Variants in PIK3CA observed in about 807,000 individuals in gnomAD.
PIK3CA encodes phosphatidylinositol 4,5-bisphosphate 3-kinase catalytic subunit alpha isoform.
PIK3CA carries 27 observed loss-of-function variants against 138.2 expected under a neutral mutation model. The ratio of observed to expected loss-of-function variants is 0.20; its 90% CI spans 0.14 to 0.27. The LOEUF (loss-of-function observed/expected upper bound fraction) is 0.27, where lower values mean the gene tolerates loss of function less well. PIK3CA is among the 10% of genes least tolerant of loss of function. PIK3CA has a pLI of 1.00. For synonymous variants in PIK3CA, 358 were observed against 413.2 expected (o/e 0.87, Z 1.62); for missense variants, 544 against 1,277.4 (o/e 0.43, Z 8.75).
chr3:179,220,372 CCAAA>C lies in PIK3CA; in HGVS notation c.2015+325_2015+328del, dbSNP rs1327024265. ...ACTGTGTGTATGGATTACAATATCC[CCAAA>C]CAAAGAAAAAAATGTTTTACCTTGA... On this transcript the variant is annotated intron_variant, in intron 13 of 20. Transcript: ENST00000263967. The surrounding 1 kb of genome is among the most constrained non-coding windows in gnomAD (Gnocchi z 4.1). Among the ~76,000 whole-genome samples the C allele has an allele frequency of 3.3e-5, 5 of 152,028 alleles. No individual in the cohort carries two copies. Among genetic ancestry groups the C allele is most frequent in the African/African-American group, 1.2e-4 (5 of 41,484 alleles).
chr3:179,187,399 G>A (rs546567673), intron 1 of PIK3CA, among the ~76,000 whole-genome samples: 5 of 151,162 alleles, frequency 3.3e-5, no homozygotes, highest in African/African-American at 7.3e-5. Flanking sequence ...TTAGCTGGGC[G>A]TGGTGGCGGG....
At chr3:179,218,807 C>A (rs1724900469) in intron 10 of PIK3CA, among the ~76,000 whole-genome samples, 1 of 152,040 alleles carries the variant, frequency 6.6e-6, no homozygotes, top group African/African-American at 2.4e-5. Context: ...GCAGAAAGTC[C>A]ATTAAGACAT....
intron 17 of PIK3CA, among the ~76,000 whole-genome samples, chr3:179,227,069 T>C (rs1421393770): frequency 6.6e-6 from 1 of 152,088 alleles, no homozygotes; most frequent in African/African-American, 2.4e-5. Flanking sequence ...GTTAATTACA[T>C]TGTTTAATTA....
At chr3:179,158,960 C>G (rs561444039) in intron 1 of PIK3CA, among the ~76,000 whole-genome samples, 10 of 152,210 alleles carry the variant, frequency 6.6e-5, no homozygotes, top group Admixed American at 3.3e-4. Context: ...GGCTAGACTG[C>G]TCTTGATGGT....
At chr3:179,209,019 G>T (rs1426488916) in intron 6 of PIK3CA, among the ~76,000 whole-genome samples, 4 of 131,190 alleles carry the variant, frequency 3.0e-5, no homozygotes, top group African/African-American at 1.2e-4. Flanking sequence ...TTTATATTAT[G>T]TATATAGTAT....
chr3:179,235,635 T>C lies in PIK3CA; in HGVS notation c.*1271T>C, dbSNP rs1267497111. 1 of 207,214 alleles carries C rather than the reference T, an allele frequency of 4.8e-6. No individual in the cohort carries two copies. Among genetic ancestry groups the C allele is most frequent in the Non-Finnish European group, 9.9e-6 (1 of 101,508 alleles). 12.8% of individuals were successfully genotyped at this position (207,214 alleles called of 1,614,324 possible). Reference sequence around the variant, plus strand: ...AACACAATTTAGACTATCTTCCTGATTCCTTAAACCCCTTTACTGAAGTAT... The same window carrying C: ...AACACAATTTAGACTATCTTCCTGACTCCTTAAACCCCTTTACTGAAGTAT... On this transcript the variant is annotated 3_prime_UTR_variant, in exon 21 of 21. Coordinates refer to ENST00000263967, the MANE Select transcript of PIK3CA (RefSeq NM_006218.4).
intron 9 of PIK3CA, among the ~76,000 whole-genome samples, chr3:179,211,700 C>T (rs932134296): frequency 6.6e-6 from 1 of 152,090 alleles, no homozygotes; most frequent in African/African-American, 2.4e-5. Context: ...CTATGTAATG[C>T]TGATCATCTC....
chr3:179,169,717 C>T (rs943788061), intron 1 of PIK3CA, among the ~76,000 whole-genome samples: 1 of 152,174 alleles, frequency 6.6e-6, no homozygotes, highest in African/African-American at 2.4e-5. Context: ...TTAATACCTA[C>T]TTAGGCTAGC....
Position 179,209,603 on chromosome 3 carries a change from A to G in PIK3CA, c.1154A>G (p.Glu385Gly). Reference sequence around the variant, plus strand: ...TTTAAAATTTTACATAGGTGGAATGAATGGCTGAATTATGATATATACATT... The same window carrying G: ...TTTAAAATTTTACATAGGTGGAATGGATGGCTGAATTATGATATATACATT... Reference protein sequence around the residue: ...RVPCSNPRWNEWLNYDIYIPD... With the variant: ...RVPCSNPRWNGWLNYDIYIPD... Residue 385 changes from glutamate (E) to glycine (G), a missense_variant, in exon 7 of 21, where the codon GAA becomes GGA. Glu to Gly is a moderately conservative substitution (Grantham distance 98). Transcript: ENST00000263967. 6.3e-7 allele frequency: 1 copy of G among 1,594,350 alleles called. No individual in the cohort carries two copies. Among genetic ancestry groups the G allele is most frequent in the Non-Finnish European group, 8.6e-7 (1 of 1,168,132 alleles).
chr3:179,223,934 A>G (rs1725023110), intron 14 of PIK3CA, 147 bp from the exon 15 acceptor site: 2 of 466,944 alleles, frequency 4.3e-6, no homozygotes, highest in Non-Finnish European at 7.8e-6. Context: ...GTGTTGTAGA[A>G]ACCCTCTTAA....
chr3:179,216,676 AATGAT>A (rs1724843334), intron 9 of PIK3CA, among the ~76,000 whole-genome samples: 1 of 152,174 alleles, frequency 6.6e-6, no homozygotes, highest in Non-Finnish European at 1.5e-5. Context: ...CTAGTTTGAC[AATGAT>A]ATATTTATCT....
chr3:179,195,289 T>C (rs1437296210), intron 1 of PIK3CA, among the ~76,000 whole-genome samples: 1 of 152,092 alleles, frequency 6.6e-6, no homozygotes, highest in African/African-American at 2.4e-5. Flanking sequence ...AAAAACCGTT[T>C]CCTTCCCCAT....
chr3:179,192,794 C>T (rs937399146), intron 1 of PIK3CA, among the ~76,000 whole-genome samples: 12 of 152,200 alleles, frequency 7.9e-5, no homozygotes, highest in African/African-American at 2.7e-4. Context: ...GCCTGTGGGT[C>T]ATGCTTTGAC....
At chr3:179,181,830 T>G (rs1723853958) in intron 1 of PIK3CA, among the ~76,000 whole-genome samples, 1 of 152,140 alleles carries the variant, frequency 6.6e-6, no homozygotes, top group Non-Finnish European at 1.5e-5. Context: ...TTTAAAGTCT[T>G]GTAATTTAAG....
chr3:179,168,771 C>G (rs933024148), intron 1 of PIK3CA, among the ~76,000 whole-genome samples: 1 of 152,040 alleles, frequency 6.6e-6, no homozygotes, highest in Non-Finnish European at 1.5e-5. Context: ...TATTAAGATT[C>G]ATTTCAATAT....
In PIK3CA at chr3:179,219,165, T is replaced by C. The variant is rs201198473; in HGVS notation, c.1665-31T>C. 4 of 1,327,428 alleles carry C rather than the reference T, an allele frequency of 3.0e-6. No individual in the cohort carries two copies. The highest frequency in any genetic ancestry group is 4.3e-6 in the Non-Finnish European group (4 of 922,200). 82.2% of individuals were successfully genotyped at this position (1,327,428 alleles called of 1,614,324 possible). A position where few individuals can be genotyped will look rare whatever the true frequency, so the allele number is the denominator to read the frequency against. ...CAACCTTTTGAACAGCATGCAAGAATGTTTATGTTTATTTTGTTTCTCCCA... is the reference window on the plus strand; with the variant it reads ...CAACCTTTTGAACAGCATGCAAGAACGTTTATGTTTATTTTGTTTCTCCCA... On this transcript the variant is annotated intron_variant, in intron 10 of 20. Transcript: ENST00000263967. This position sits in a 1 kb window ranked among gnomAD's most constrained non-coding sequence, Gnocchi z 4.2.
intron 1 of PIK3CA, among the ~76,000 whole-genome samples, chr3:179,189,990 T>C (rs1481591583): frequency 1.3e-5 from 2 of 152,182 alleles, no homozygotes; most frequent in Non-Finnish European, 2.9e-5. Context: ...GCTCAGTGAC[T>C]CTTAGAGGAA....
chr3:179,231,691 G>A (rs1035174615), intron 20 of PIK3CA, among the ~76,000 whole-genome samples: 11 of 125,782 alleles, frequency 8.7e-5, no homozygotes, highest in African/African-American at 3.5e-4. Flanking sequence ...GCCCAGGCTG[G>A]AGTACAATGG....
intron 1 of PIK3CA, among the ~76,000 whole-genome samples, chr3:179,170,171 T>C (rs934308679): frequency 6.6e-6 from 1 of 152,170 alleles, no homozygotes; most frequent in African/African-American, 2.4e-5. Context: ...ACTAGAAGCT[T>C]CAGTCAGGCT....
Sources: allele counts gnomAD v4.1 joint callset (sites outside exome capture counted in the v4.1 genomes callset), GRCh38; gene constraint gnomAD v4.1.1; non-coding constraint Gnocchi (gnomAD v3.1); transcripts MANE v1.5; gene names NCBI Gene and HGNC (gene_info 2026-07-23, HGNC 2026-07-21).